Variants in TAF2 observed in about 807,000 individuals in gnomAD.
TAF2 encodes transcription initiation factor TFIID subunit 2.
Under a neutral mutation model 138.5 loss-of-function variants are expected in TAF2, and 61 were observed. The ratio of observed to expected loss-of-function variants is 0.44; its 90% CI spans 0.36 to 0.54. The LOEUF (loss-of-function observed/expected upper bound fraction) is 0.54, where lower values mean the gene tolerates loss of function less well. Ranked by LOEUF, TAF2 falls within the 20% of genes least tolerant of loss-of-function variation. The pLI is 0.00. For missense variants in TAF2, 1,090 were observed against 1,427.9 expected (o/e 0.76, Z 3.81); for synonymous variants, 475 against 469.9 (o/e 1.01, Z -0.14).
intron 6 of TAF2, among the ~76,000 whole-genome samples, chr8:119,801,435 C>T (rs10095541): frequency 0.034 from 4,809 of 139,696 alleles, 142 homozygotes; most frequent in South Asian, 0.12. Context: ...TAATATCTAC[C>T]TTTTTTTTTT....
chr8:119,807,794 T>C (rs1363192756), intron 3 of TAF2, among the ~76,000 whole-genome samples: 3 of 152,076 alleles, frequency 2.0e-5, no homozygotes, highest in Admixed American at 6.6e-5. Context: ...TGGTGGTGCA[T>C]GCCTGTAATT....
intron 4 of TAF2, 46 bp downstream of exon 4, chr8:119,806,237 T>C: frequency 5.4e-6 from 8 of 1,490,580 alleles, no homozygotes; most frequent in Non-Finnish European, 7.5e-6. Flanking sequence ...AGTGTCTGAA[T>C]CTAACGTGAT....
At chr8:119,737,992 C>A (rs1293886637) in intron 25 of TAF2, among the ~76,000 whole-genome samples, 2 of 151,692 alleles carry the variant, frequency 1.3e-5, no homozygotes, top group African/African-American at 4.8e-5. Context: ...TCTATGCTAC[C>A]CTATCATCAC....
chr8:119,824,559 G>T (rs553898568), intron 2 of TAF2, among the ~76,000 whole-genome samples: 1 of 152,314 alleles, frequency 6.6e-6, no homozygotes, highest in Non-Finnish European at 1.5e-5. Context: ...ATGTCTCCAG[G>T]GCATGTCAGA....
At chr8:119,816,120 G>A (rs1182247589) in intron 3 of TAF2, among the ~76,000 whole-genome samples, 9 of 145,048 alleles carry the variant, frequency 6.2e-5, no homozygotes, top group African/African-American at 2.0e-4. Context: ...GCGCGATCTC[G>A]GCTCACTGCA....
chr8:119,774,028 G>A (rs887957131), intron 18 of TAF2, among the ~76,000 whole-genome samples: 18 of 151,572 alleles, frequency 1.2e-4, no homozygotes, highest in South Asian at 2.1e-4. Flanking sequence ...AAAATTAGCC[G>A]GGTGTGGTGG....
chr8:119,807,725 T>A (rs1586499124), intron 3 of TAF2, among the ~76,000 whole-genome samples: 1 of 152,214 alleles, frequency 6.6e-6, no homozygotes, highest in Non-Finnish European at 1.5e-5. Context: ...GGAGTTCAAG[T>A]CCAGCCTGGC....
At chr8:119,767,310 A>G (rs1224204154) in intron 18 of TAF2, among the ~76,000 whole-genome samples, 1 of 152,228 alleles carries the variant, frequency 6.6e-6, no homozygotes, top group Admixed American at 6.5e-5. Context: ...TTAAGAGGGC[A>G]TGCTGTAATT....
intron 3 of TAF2, among the ~76,000 whole-genome samples, chr8:119,807,473 T>C (rs1383586875): frequency 1.3e-5 from 2 of 152,138 alleles, no homozygotes; most frequent in Non-Finnish European, 2.9e-5. Flanking sequence ...AGGAAAAAGA[T>C]ACGGAATGGG....
chr8:119,826,201 GTA>G (rs1158591219), intron 2 of TAF2, among the ~76,000 whole-genome samples: 2 of 151,558 alleles, frequency 1.3e-5, no homozygotes, highest in Non-Finnish European at 2.9e-5. Context: ...CAGGGCACAT[GTA>G]TACCTATGTA....
chr8:119,832,621 T>C lies in TAF2; in HGVS notation c.-57A>G. On this transcript the variant is annotated 5_prime_UTR_variant, in exon 1 of 26. Transcript: ENST00000378164. ...TTCCTAGGGGGATACGGGGCATTAC[T>C]AGTCTTTGGCACCTCACACTCTCCA... The C allele has an allele frequency of 1.3e-6, 2 of 1,543,022 alleles. No homozygotes were observed. The highest frequency in any genetic ancestry group is 8.9e-7 in the Non-Finnish European group (1 of 1,125,774).
In TAF2 at chr8:119,770,676, C is replaced by T. The variant is rs151064477; in HGVS notation, c.2364+7343G>A. 1.2e-3 allele frequency among the ~76,000 whole-genome samples: 183 copies of T among 152,272 alleles called. 1 individual carries two copies. Among genetic ancestry groups the T allele is most frequent in the Non-Finnish European group, 2.0e-3 (134 of 68,028 alleles). ...AGAAAGCTCACAGATCCTATAATTACACAATTAAGGCCCCAAGGCAACTAC... is the reference window on the plus strand; with the variant it reads ...AGAAAGCTCACAGATCCTATAATTATACAATTAAGGCCCCAAGGCAACTAC... On this transcript the variant is annotated intron_variant, in intron 18 of 25. Coordinates refer to ENST00000378164, the MANE Select transcript of TAF2 (RefSeq NM_003184.4).
chr8:119,791,159 C>G (rs1339393251), intron 11 of TAF2, among the ~76,000 whole-genome samples, 165 bp downstream of exon 11: 1 of 152,112 alleles, frequency 6.6e-6, no homozygotes, highest in Non-Finnish European at 1.5e-5. Flanking sequence ...GGTATTGATA[C>G]CCATTCTACA....
intron 3 of TAF2, among the ~76,000 whole-genome samples, chr8:119,810,028 G>A (rs1259897626): frequency 2.1e-5 from 3 of 144,874 alleles, no homozygotes; most frequent in East Asian, 2.0e-4. Flanking sequence ...CAGTATCTGC[G>A]AGGCACAACA....
At chr8:119,783,330 T>A in intron 16 of TAF2, 51 bp downstream of exon 16, 1 of 1,577,452 alleles carries the variant, frequency 6.3e-7, no homozygotes, top group Non-Finnish European at 8.6e-7. Flanking sequence ...TTTTCAGAGA[T>A]ACAAAAAATA....
chr8:119,745,076 C>T (rs920815828), intron 23 of TAF2: 26 of 455,392 alleles, frequency 5.7e-5, no homozygotes, highest in African/African-American at 2.2e-4. Flanking sequence ...TTTCTGAAGA[C>T]GAGTAGCTCA....
chr8:119,793,344 C>G, intron 10 of TAF2, 22 bp downstream of exon 10: 1 of 1,573,148 alleles, frequency 6.4e-7, no homozygotes. Context: ...TTTATAATAT[C>G]ATCTCTGAAC....
At chr8:119,781,786 C>G (rs1348810570) in intron 16 of TAF2, among the ~76,000 whole-genome samples, 1 of 152,036 alleles carries the variant, frequency 6.6e-6, no homozygotes, top group Non-Finnish European at 1.5e-5. Flanking sequence ...CTCCCGGGCT[C>G]CAGAGATTCT....
intron 18 of TAF2, among the ~76,000 whole-genome samples, chr8:119,768,026 G>A (rs1448161409): frequency 6.6e-6 from 1 of 152,188 alleles, no homozygotes; most frequent in African/African-American, 2.4e-5. Context: ...AAAGGGAAGT[G>A]CAATCGGGCC....
Sources: gnomAD v4.1 joint callset for allele counts (sites outside exome capture counted in the v4.1 genomes callset) on GRCh38, gnomAD v4.1.1 for gene constraint, MANE v1.5 for transcripts, NCBI Gene and HGNC (gene_info 2026-07-23, HGNC 2026-07-21) for gene names.